Variants in DAB1 observed in about 807,000 individuals in gnomAD.
The protein encoded by DAB1 is DAB adaptor protein 1.
Under a neutral mutation model 64.6 loss-of-function variants are expected in DAB1, and 15 were observed. That is an observed-to-expected ratio of 0.23 (90% CI 0.16 to 0.36). The LOEUF is 0.36. DAB1 is among the 10% of genes least tolerant of loss of function. The probability of loss-of-function intolerance (pLI) is 1.00; values close to 1 mark genes in which losing one functional copy is unlikely to be tolerated. For missense variants in DAB1, 596 were observed against 706.7 expected (o/e 0.84, Z 1.78); for synonymous variants, 235 against 251.9 (o/e 0.93, Z 0.64).
chr1:58,073,030 T>G (rs1245972763), intron 5 of DAB1, among the ~76,000 whole-genome samples: 1 of 152,176 alleles, frequency 6.6e-6, no homozygotes, highest in Non-Finnish European at 1.5e-5. Context: ...TAGTTACTGT[T>G]ATTTGTATTA....
intron 1 of DAB1, among the ~76,000 whole-genome samples, chr1:57,308,201 C>T (rs1041778264): frequency 2.0e-5 from 3 of 152,158 alleles, no homozygotes; most frequent in African/African-American, 7.2e-5. Flanking sequence ...AAAAAATGAG[C>T]CAGCCTTGAT....
intron 5 of DAB1, among the ~76,000 whole-genome samples, chr1:58,116,772 GA>G (rs1406940655): frequency 2.0e-5 from 3 of 152,024 alleles, no homozygotes; most frequent in Non-Finnish European, 4.4e-5. Flanking sequence ...GAAACATCAT[GA>G]AAAAAGAATA....
chr1:58,295,077 T>C (rs1441865727), intron 4 of DAB1, among the ~76,000 whole-genome samples: 1 of 152,132 alleles, frequency 6.6e-6, no homozygotes. Context: ...TGACCACATG[T>C]TGGTGGCTTA....
chr1:57,843,062 T>C (rs914244514), intron 1 of DAB1, among the ~76,000 whole-genome samples: 1 of 152,212 alleles, frequency 6.6e-6, no homozygotes, highest in South Asian at 2.1e-4. Flanking sequence ...GAGAGTATCA[T>C]ACCACATATC....
chr1:57,024,300 G>A (rs1305555043), intron 10 of DAB1, among the ~76,000 whole-genome samples: 2 of 152,180 alleles, frequency 1.3e-5, no homozygotes, highest in African/African-American at 4.8e-5. Context: ...GGCCTAGTCG[G>A]TGCTGGAATT....
chr1:57,376,814 T>A (rs1680934423), intron 1 of DAB1, among the ~76,000 whole-genome samples: 1 of 152,246 alleles, frequency 6.6e-6, no homozygotes, highest in African/African-American at 2.4e-5. Context: ...CATCTTCAAC[T>A]AGTTTTATTA....
intron 1 of DAB1, among the ~76,000 whole-genome samples, chr1:57,327,836 T>C (rs951617185): frequency 2.0e-5 from 3 of 152,104 alleles, no homozygotes; most frequent in Non-Finnish European, 4.4e-5. Context: ...TTGAGAGATT[T>C]ACAAGTGGAA....
intron 3 of DAB1, among the ~76,000 whole-genome samples, chr1:58,371,742 A>G (rs1414067254): frequency 6.6e-6 from 1 of 152,138 alleles, no homozygotes; most frequent in Non-Finnish European, 1.5e-5. Context: ...CCTGCATCGC[A>G]GCTGCTCCAC....
intron 2 of DAB1, among the ~76,000 whole-genome samples, chr1:58,508,209 T>C (rs746701084): frequency 5.9e-5 from 9 of 152,038 alleles, no homozygotes; most frequent in Non-Finnish European, 1.3e-4. Flanking sequence ...AAGATAAGAG[T>C]GTTGAGTTTG....
chr1:58,122,676 C>T lies in DAB1; in HGVS notation n.387+27835G>A, dbSNP rs565241288. 3.9e-5 allele frequency among the ~76,000 whole-genome samples: 6 copies of T among 152,210 alleles called. No individual in the cohort carries two copies. In the East Asian group the frequency reaches 1.2e-3, roughly 29 times the overall value. ...TGACCACCTTGTGTCCAAGAATTGG[C>T]CCCATCACTTCCTCACTAGGTGATC... On this transcript the variant is annotated intron_variant and non_coding_transcript_variant, in intron 5 of 20. Coordinates refer to the DAB1 transcript ENST00000485760.
chr1:57,969,307 A>G (rs1645740750), intron 5 of DAB1, among the ~76,000 whole-genome samples: 1 of 152,056 alleles, frequency 6.6e-6, no homozygotes, highest in South Asian at 2.1e-4. Flanking sequence ...AGCTTCACAA[A>G]TGTTAATATA....
At chr1:57,779,939 C>A (rs941642785) in intron 6 of DAB1, among the ~76,000 whole-genome samples, 1 of 152,094 alleles carries the variant, frequency 6.6e-6, no homozygotes, top group Non-Finnish European at 1.5e-5. Flanking sequence ...TTTTTCTTAC[C>A]TGACAGTCTG....
intron 4 of DAB1, among the ~76,000 whole-genome samples, chr1:58,290,719 C>A (rs894440995): frequency 6.6e-6 from 1 of 152,130 alleles, no homozygotes; most frequent in Non-Finnish European, 1.5e-5. Flanking sequence ...GATCATTATT[C>A]ATTTCTGGGT....
chr1:58,042,663 C>A (rs1325452), intron 5 of DAB1, among the ~76,000 whole-genome samples: 2 of 151,942 alleles, frequency 1.3e-5, no homozygotes, highest in African/African-American at 4.8e-5. Context: ...GATACTCTAG[C>A]GGGGACAGCA....
At chr1:58,539,862 T>G (rs888898578) in intron 1 of DAB1, among the ~76,000 whole-genome samples, 1 of 151,960 alleles carries the variant, frequency 6.6e-6, no homozygotes, top group African/African-American at 2.4e-5. Context: ...ATCGAAGAGA[T>G]AAAGCTGGGA....
At chr1:57,198,649 T>TCTCTCACACA (rs1477522407) in intron 2 of DAB1, among the ~76,000 whole-genome samples, 9 of 128,264 alleles carry the variant, frequency 7.0e-5, no homozygotes, top group South Asian at 2.6e-4. Flanking sequence ...CTTCTCTCTC[T>TCTCTCACACA]CACACACACA....
intron 7 of DAB1, among the ~76,000 whole-genome samples, chr1:57,625,241 C>T (rs1427057541): frequency 5.9e-5 from 9 of 151,884 alleles, no homozygotes; most frequent in Non-Finnish European, 8.8e-5. Context: ...CCTCCTTTTC[C>T]CTCCTCCTTC....
intron 6 of DAB1, among the ~76,000 whole-genome samples, chr1:57,732,387 G>A (rs910907765): frequency 6.6e-6 from 1 of 152,190 alleles, no homozygotes; most frequent in Non-Finnish European, 1.5e-5. Flanking sequence ...AGGGAGAGAC[G>A]GCTAAGTGTC....
intron 7 of DAB1, among the ~76,000 whole-genome samples, chr1:57,444,382 G>A: frequency 6.6e-6 from 1 of 152,122 alleles, no homozygotes; most frequent in East Asian, 1.9e-4. Context: ...TTGGCTTAAT[G>A]TCTATTTCCC....
Sources: allele counts gnomAD v4.1 joint callset (sites outside exome capture counted in the v4.1 genomes callset), GRCh38; gene constraint gnomAD v4.1.1; transcripts MANE v1.5; gene names NCBI Gene and HGNC (gene_info 2026-07-23, HGNC 2026-07-21).